SPIDR: variants seen among roughly 807,000 people sequenced by gnomAD.
SPIDR encodes the protein scaffold protein involved in DNA repair.
A neutral mutation model predicts 104.6 loss-of-function variants in SPIDR; 93 were observed. The ratio of observed to expected loss-of-function variants is 0.89; its 90% CI spans 0.75 to 1.06. The LOEUF is 1.06. Ranked by LOEUF, SPIDR falls within the 50% of genes least tolerant of loss-of-function variation. The pLI is 0.00. For missense variants in SPIDR, 1,154 were observed against 1,111.2 expected, an observed-to-expected ratio of 1.04 and a Z score of -0.55; for synonymous variants, 431 against 416.9, an observed-to-expected ratio of 1.03 and a Z score of -0.41.
intron 19 of SPIDR, chr8:47,732,491 A>G (rs189318042): frequency 4.9e-5 from 20 of 405,146 alleles, no homozygotes; most frequent in Non-Finnish European, 9.0e-5. Context: ...CTCTGGTTTC[A>G]GGGCCAATAC....
At chr8:47,389,784 A>G (rs2060366959) in intron 5 of SPIDR, among the ~76,000 whole-genome samples, 1 of 152,014 alleles carries the variant, frequency 6.6e-6, no homozygotes, top group South Asian at 2.1e-4. Context: ...CCTATCAGGA[A>G]TAACTGTGGT....
chr8:47,639,288 T>G (rs1204740062), intron 10 of SPIDR, among the ~76,000 whole-genome samples: 1 of 152,232 alleles, frequency 6.6e-6, no homozygotes, highest in African/African-American at 2.4e-5. Context: ...ATAAAAAGTG[T>G]TTTGTTGCAT....
intron 5 of SPIDR, among the ~76,000 whole-genome samples, chr8:47,341,024 C>T (rs2050651052): frequency 6.6e-6 from 1 of 152,176 alleles, no homozygotes; most frequent in Non-Finnish European, 1.5e-5. Flanking sequence ...CCTGAATGGA[C>T]TGTGGGAGCC....
intron 5 of SPIDR, among the ~76,000 whole-genome samples, chr8:47,350,864 A>G (rs1370812866): frequency 1.3e-5 from 2 of 152,220 alleles, no homozygotes; most frequent in African/African-American, 4.8e-5. Flanking sequence ...GTGATCAGCC[A>G]TAATCTGAAA....
intron 10 of SPIDR, among the ~76,000 whole-genome samples, chr8:47,615,800 C>A (rs2064230958): frequency 6.6e-6 from 1 of 152,118 alleles, no homozygotes; most frequent in South Asian, 2.1e-4. Context: ...TAATAATATT[C>A]AGTTTTTCAG....
intron 8 of SPIDR, among the ~76,000 whole-genome samples, chr8:47,570,316 A>T (rs905914600): frequency 6.6e-6 from 1 of 152,228 alleles, no homozygotes; most frequent in African/African-American, 2.4e-5. Context: ...CAAGGGGGAA[A>T]GAATAATGGT....
chr8:47,518,944 A>G (rs1191148794), intron 8 of SPIDR, among the ~76,000 whole-genome samples: 3 of 152,078 alleles, frequency 2.0e-5, no homozygotes, highest in Non-Finnish European at 4.4e-5. Flanking sequence ...CTCAAGTCTT[A>G]TGCTACTTTT....
At position 47,700,482 on chromosome 8, in the gene SPIDR, T is replaced by G. The variant is rs1322948080; in HGVS notation, c.1765T>G (p.Cys589Gly). 1.2e-6 allele frequency: 2 copies of G among 1,613,926 alleles called. No homozygotes were observed. The highest frequency in any genetic ancestry group is 8.5e-7 in the Non-Finnish European group (1 of 1,179,894). The change falls in exon 12 of 20, where the codon TGT becomes GGT. Residue 589 changes from cysteine (C) to glycine (G), a missense_variant. By Grantham distance (159) the Cys-to-Gly change is radical. Coordinates refer to ENST00000297423, the MANE Select transcript of SPIDR (RefSeq NM_001080394.4). ...GAAAACACCTGGCCGCGACCAGCCC[T>G]GTGAAGAGGTAAGCCCGGCACTGGA... ...PLKTPGRDQP[C>G]EEIKTHLPPP...
At chr8:47,386,679 T>C (rs947004103) in intron 5 of SPIDR, among the ~76,000 whole-genome samples, 1 of 152,176 alleles carries the variant, frequency 6.6e-6, no homozygotes, top group African/African-American at 2.4e-5. Flanking sequence ...TAATGAGTAG[T>C]TTTCCATCAC....
intron 5 of SPIDR, among the ~76,000 whole-genome samples, chr8:47,297,669 C>T (rs2041143295): frequency 6.6e-6 from 1 of 152,056 alleles, no homozygotes; most frequent in East Asian, 1.9e-4. Flanking sequence ...CATCTGTTCT[C>T]ATTGTTCACT....
intron 8 of SPIDR, among the ~76,000 whole-genome samples, chr8:47,443,415 C>T (rs1449986503): frequency 2.6e-5 from 4 of 151,824 alleles, no homozygotes; most frequent in Middle Eastern, 6.8e-3. Context: ...ACTAAAAATA[C>T]AAAAATTAGC....
At chr8:47,565,287 A>G (rs530379052) in intron 8 of SPIDR, among the ~76,000 whole-genome samples, 7 of 152,286 alleles carry the variant, frequency 4.6e-5, no homozygotes, top group African/African-American at 1.7e-4. Context: ...GAAATTGAAG[A>G]AGGCTGACTT....
At chr8:47,281,057 C>A (rs1242247377) in intron 2 of SPIDR, among the ~76,000 whole-genome samples, 1 of 152,154 alleles carries the variant, frequency 6.6e-6, no homozygotes, top group Non-Finnish European at 1.5e-5. Context: ...CACATGAATT[C>A]TTTGGTTTCC....
chr8:47,660,788 A>T (rs567300503), intron 10 of SPIDR: 1 of 219,504 alleles, frequency 4.6e-6, no homozygotes, highest in Non-Finnish European at 7.7e-6. Context: ...GCCCCTTCCC[A>T]TGAGATTAGG....
chr8:47,456,049 T>C (rs949847878), intron 8 of SPIDR, among the ~76,000 whole-genome samples: 9 of 152,198 alleles, frequency 5.9e-5, no homozygotes, highest in South Asian at 2.1e-4. Flanking sequence ...TACCCATTCT[T>C]GAGTGCACGC....
intron 5 of SPIDR, among the ~76,000 whole-genome samples, chr8:47,364,248 G>A (rs1347301767): frequency 3.9e-5 from 6 of 152,154 alleles, no homozygotes; most frequent in African/African-American, 1.4e-4. Flanking sequence ...CAGGGCTTCT[G>A]CCTTCTTGGA....
At chr8:47,701,120 C>T (rs1206673746) in intron 12 of SPIDR, among the ~76,000 whole-genome samples, 1 of 152,180 alleles carries the variant, frequency 6.6e-6, no homozygotes, top group Non-Finnish European at 1.5e-5. Flanking sequence ...AAGTCTGTGA[C>T]CCTGAACTGT....
chr8:47,727,576 A>G (rs950853276), intron 17 of SPIDR, among the ~76,000 whole-genome samples: 3 of 152,160 alleles, frequency 2.0e-5, no homozygotes, highest in Non-Finnish European at 4.4e-5. Flanking sequence ...AAACAGGACA[A>G]ACATGAATAA....
At chr8:47,683,061 C>T (rs570103262) in intron 11 of SPIDR, among the ~76,000 whole-genome samples, 1 of 152,334 alleles carries the variant, frequency 6.6e-6, no homozygotes, top group South Asian at 2.1e-4. Context: ...CACAAACCGT[C>T]TGAGAGATTC....
Sources: gnomAD v4.1 joint callset for allele counts (sites outside exome capture counted in the v4.1 genomes callset) on GRCh38, gnomAD v4.1.1 for gene constraint, MANE v1.5 for transcripts, NCBI Gene and HGNC (gene_info 2026-07-23, HGNC 2026-07-21) for gene names.